FAM83B: variants seen among roughly 807,000 people sequenced by gnomAD.
The protein encoded by FAM83B is protein FAM83B.
A neutral mutation model predicts 38.8 loss-of-function variants in FAM83B; 26 were observed. That is an observed-to-expected ratio of 0.67 (90% CI 0.49 to 0.93). The LOEUF is 0.93. Ranked by LOEUF, FAM83B falls within the 40% of genes least tolerant of loss-of-function variation. The pLI is 0.00. For missense variants in FAM83B, 1,237 were observed against 1,197.3 expected, an observed-to-expected ratio of 1.03 and a Z score of -0.49; for synonymous variants, 419 against 423.1, an observed-to-expected ratio of 0.99 and a Z score of 0.12.
chr6:54,865,501 C>T (rs770019779), intron 1 of FAM83B, among the ~76,000 whole-genome samples: 2 of 152,114 alleles, frequency 1.3e-5, no homozygotes, highest in Non-Finnish European at 2.9e-5. Flanking sequence ...GTTAGGACTT[C>T]GACATATCCT....
At chr6:54,906,817 C>T (rs1772786452) in intron 2 of FAM83B, among the ~76,000 whole-genome samples, 1 of 152,064 alleles carries the variant, frequency 6.6e-6, no homozygotes, top group East Asian at 1.9e-4. Flanking sequence ...GAGGATGTTG[C>T]TAAGAATTAT....
intron 1 of FAM83B, among the ~76,000 whole-genome samples, chr6:54,869,245 T>C (rs1461706182): frequency 6.6e-6 from 1 of 152,190 alleles, no homozygotes; most frequent in Non-Finnish European, 1.5e-5. Context: ...GCTCCTTCCT[T>C]AAACCATCTC....
At chr6:54,936,354 C>A (rs779895575) in intron 4 of FAM83B, among the ~76,000 whole-genome samples, 30 of 152,038 alleles carry the variant, frequency 2.0e-4, no homozygotes, top group Non-Finnish European at 3.7e-4. Context: ...GTTCTTTTGA[C>A]ATGAAGTCTT....
intron 2 of FAM83B, among the ~76,000 whole-genome samples, chr6:54,897,339 T>C (rs1336136794): frequency 1.3e-5 from 2 of 152,182 alleles, no homozygotes; most frequent in East Asian, 3.8e-4. Flanking sequence ...ATGAAAGTCT[T>C]GATTGCATTG....
Position 54,941,902 on chromosome 6 carries a change from A to T in FAM83B, c.2931A>T (p.Pro977=). 1.2e-6 allele frequency: 2 copies of T among 1,614,020 alleles called. No homozygotes were observed. The highest frequency in any genetic ancestry group is 1.7e-6 in the Non-Finnish European group (2 of 1,179,952). The change falls in exon 5 of 5, where the codon CCA becomes CCT. Residue 977 remains proline (P), a synonymous_variant. Transcript: ENST00000306858. ...TMGNSYGRSS[P]LLNYNTGVYR... is the part of the protein sequence containing the mutation. ...GCAACAGTTATGGCAGGTCTAGTCC[A>T]TTGCTTAATTACAACACTGGTGTTT...
At chr6:54,903,645 A>G (rs1772712227) in intron 2 of FAM83B, among the ~76,000 whole-genome samples, 2 of 152,142 alleles carry the variant, frequency 1.3e-5, no homozygotes, top group South Asian at 2.1e-4. Context: ...CTACATTAAT[A>G]TAATATTTCA....
intron 1 of FAM83B, among the ~76,000 whole-genome samples, chr6:54,858,353 A>G (rs1265173584): frequency 6.6e-6 from 1 of 152,168 alleles, no homozygotes; most frequent in Non-Finnish European, 1.5e-5. Flanking sequence ...CTACCTTTAG[A>G]GTAGAGTGAG....
intron 2 of FAM83B, among the ~76,000 whole-genome samples, chr6:54,887,303 AAACTCACATCTGTGG>A (rs1772301384): frequency 6.6e-6 from 1 of 152,182 alleles, no homozygotes; most frequent in Admixed American, 6.5e-5. Flanking sequence ...TTGGGATGCA[AAACTCACATCTGTGG>A]AGGGCTGACT....
chr6:54,871,143 C>T (rs1411671134), intron 2 of FAM83B, among the ~76,000 whole-genome samples: 3 of 152,114 alleles, frequency 2.0e-5, no homozygotes, highest in Non-Finnish European at 4.4e-5. Context: ...GTTTACTTAT[C>T]TATTTTCCTG....
In FAM83B at chr6:54,944,673, CA is replaced by C. The variant is rs1773765751; in HGVS notation, c.*2668del. 6.6e-6 allele frequency: 1 copy of C among 152,150 alleles called. No individual in the cohort carries two copies. The highest frequency in any genetic ancestry group is 6.5e-5 in the Admixed American group (1 of 15,278). The allele number at this position is 152,150 out of a possible 1,614,324, so 9.4% of individuals were successfully genotyped here. A position where few individuals can be genotyped will look rare whatever the true frequency, so the allele number is the denominator to read the frequency against. ...CAGCTTTACTCAAGATCCACATATT[CA>C]AGTATCATTCCACAGATATTCACAG... is the stretch of plus-strand genomic sequence containing the variant. On this transcript the variant is annotated 3_prime_UTR_variant, in exon 5 of 5. Transcript: ENST00000306858.
chr6:54,899,996 A>G (rs564826720), intron 2 of FAM83B, among the ~76,000 whole-genome samples: 3 of 152,348 alleles, frequency 2.0e-5, no homozygotes, highest in Admixed American at 2.0e-4. Flanking sequence ...TATATGAAAC[A>G]AGTTAGTAAT....
Position 54,939,951 on chromosome 6 carries a change from A to G in FAM83B, c.980A>G (p.Asp327Gly). ...SSQRNLFGRQ[D>G]KIHKLDSSYF... ...CAGAGAAACCTTTTTGGTAGACAAG[A>G]CAAGATTCATAAACTAGATTCCAGT... The change falls in exon 5 of 5, where the codon GAC (aspartate) becomes GGC (glycine). Residue 327 changes from aspartate (D) to glycine (G), a missense_variant. Asp to Gly is a moderately conservative substitution (Grantham distance 94). Coordinates refer to ENST00000306858, the MANE Select transcript of FAM83B (RefSeq NM_001010872.3). The G allele has an allele frequency of 6.2e-7, 1 of 1,614,068 alleles. No homozygotes were observed.
At chr6:54,852,411 G>T (rs1771324908) in intron 1 of FAM83B, among the ~76,000 whole-genome samples, 1 of 151,662 alleles carries the variant, frequency 6.6e-6, no homozygotes, top group African/African-American at 2.4e-5. Flanking sequence ...TAATTTTTTG[G>T]GGGTGCTACA....
chr6:54,858,952 A>G (rs1421109542), intron 1 of FAM83B, among the ~76,000 whole-genome samples: 1 of 152,108 alleles, frequency 6.6e-6, no homozygotes, highest in Admixed American at 6.5e-5. Flanking sequence ...AATGGGTAAT[A>G]TTTTATATTA....
chr6:54,885,711 G>C (rs1237340002), intron 2 of FAM83B, among the ~76,000 whole-genome samples: 1 of 150,814 alleles, frequency 6.6e-6, no homozygotes, highest in Non-Finnish European at 1.5e-5. Flanking sequence ...GCAAACTATC[G>C]CAAGGACTAA....
chr6:54,877,949 G>C (rs1772038934), intron 2 of FAM83B, among the ~76,000 whole-genome samples: 1 of 152,182 alleles, frequency 6.6e-6, no homozygotes, highest in Non-Finnish European at 1.5e-5. Flanking sequence ...CAGGTAAAAA[G>C]TATCATGTGG....
chr6:54,890,171 G>A lies in FAM83B; in HGVS notation c.444+19481G>A, dbSNP rs533029525. Among the ~76,000 whole-genome samples the A allele has an allele frequency of 2.5e-3, 379 of 152,066 alleles. 2 individuals are homozygous for A. The highest frequency in any genetic ancestry group is 8.6e-3 in the African/African-American group (359 of 41,514). Reference sequence around the variant, plus strand: ...AATGTCAAAACTTTTTTGAGTATATGTTCATTTAATCTGATTTTCAAAATT... The same window carrying A: ...AATGTCAAAACTTTTTTGAGTATATATTCATTTAATCTGATTTTCAAAATT... On this transcript the variant is annotated intron_variant, in intron 2 of 4. Transcript: ENST00000306858.
rs1283857194 is a variant in FAM83B, at chr6:54,932,472, T to A, written c.734+4840T>A. ...TATAGCAATGAACACAGATTTAAAG[T>A]TACTTTTTATATTTTTCACATTTAA... On this transcript the variant is annotated intron_variant, in intron 4 of 4. Transcript: ENST00000306858. Among the ~76,000 whole-genome samples the A allele has an allele frequency of 2.0e-5, 3 of 152,304 alleles. No individual in the cohort carries two copies. In the East Asian group the frequency reaches 5.8e-4, roughly 29 times the overall value.
chr6:54,914,644 C>A (rs1204197515), intron 2 of FAM83B, among the ~76,000 whole-genome samples: 2 of 152,138 alleles, frequency 1.3e-5, no homozygotes, highest in Non-Finnish European at 2.9e-5. Context: ...TAAAAAATGT[C>A]AACTTCAAGT....
Sources: gnomAD v4.1 joint callset for allele counts (sites outside exome capture counted in the v4.1 genomes callset) on GRCh38, gnomAD v4.1.1 for gene constraint, MANE v1.5 for transcripts, NCBI Gene and HGNC (gene_info 2026-07-23, HGNC 2026-07-21) for gene names.